SPAG16: variants seen among roughly 807,000 people sequenced by gnomAD.
SPAG16 encodes the protein sperm-associated antigen 16 protein.
A neutral mutation model predicts 80.4 loss-of-function variants in SPAG16; 86 were observed. The observed-to-expected ratio is 1.07, with a 90% CI of 0.90 to 1.28. SPAG16 has a LOEUF of 1.28. Ranked by LOEUF, SPAG16 falls within the 50% of genes most tolerant of loss-of-function variation. The probability of loss-of-function intolerance (pLI) is 0.00; values close to 1 mark genes in which losing one functional copy is unlikely to be tolerated. For synonymous variants in SPAG16, 294 were observed against 265.9 expected, an observed-to-expected ratio of 1.11 and a Z score of -1.03; for missense variants, 870 against 765.3, an observed-to-expected ratio of 1.14 and a Z score of -1.61.
intron 12 of SPAG16, among the ~76,000 whole-genome samples, chr2:213,956,464 T>C (rs2044144632): frequency 1.9e-5 from 2 of 106,212 alleles, no homozygotes; most frequent in Admixed American, 2.0e-4. Context: ...TTTTTTTTTT[T>C]TGAGGCAGGG....
chr2:213,614,233 T>C (rs2061525080), intron 10 of SPAG16, among the ~76,000 whole-genome samples: 2 of 152,256 alleles, frequency 1.3e-5, no homozygotes, highest in Admixed American at 1.3e-4. Context: ...CTAGGATTTT[T>C]AACGTCCTGC....
At chr2:214,127,094 G>A (rs1250245680) in intron 14 of SPAG16, among the ~76,000 whole-genome samples, 1 of 151,728 alleles carries the variant, frequency 6.6e-6, no homozygotes. Flanking sequence ...GGACATTCAG[G>A]ATTCCAAATC....
intron 15 of SPAG16, among the ~76,000 whole-genome samples, chr2:214,353,201 A>T (rs1698541631): frequency 6.6e-6 from 1 of 152,002 alleles, no homozygotes; most frequent in South Asian, 2.1e-4. Context: ...CAGTCAAGAA[A>T]GAGGGAGGTA....
chr2:213,628,360 A>G (rs1264813069), intron 10 of SPAG16, among the ~76,000 whole-genome samples: 2 of 152,214 alleles, frequency 1.3e-5, no homozygotes, highest in Admixed American at 6.5e-5. Flanking sequence ...CTATCCATTT[A>G]TGGCCCTTCT....
intron 11 of SPAG16, among the ~76,000 whole-genome samples, chr2:213,902,741 A>T (rs2077269801): frequency 6.6e-6 from 1 of 152,162 alleles, no homozygotes. Context: ...AACTCATCTC[A>T]GCATTAACCC....
intron 12 of SPAG16, among the ~76,000 whole-genome samples, chr2:213,995,800 A>G (rs908330393): frequency 2.0e-5 from 3 of 152,162 alleles, no homozygotes; most frequent in African/African-American, 7.2e-5. Flanking sequence ...GAAACTTAGG[A>G]CTAGGATCCA....
At chr2:213,889,652 TATAC>T (rs2076704620) in intron 11 of SPAG16, among the ~76,000 whole-genome samples, 2 of 149,108 alleles carry the variant, frequency 1.3e-5, no homozygotes, top group Non-Finnish European at 3.0e-5. Context: ...CACACACATA[TATAC>T]ATATACATAT....
At chr2:214,363,913 G>A (rs1292820298) in intron 15 of SPAG16, among the ~76,000 whole-genome samples, 4 of 152,086 alleles carry the variant, frequency 2.6e-5, no homozygotes, top group South Asian at 2.1e-4. Context: ...GAGAAGTCCT[G>A]TTACAAACAT....
chr2:214,180,632 C>T (rs940957437), intron 15 of SPAG16, among the ~76,000 whole-genome samples: 10 of 151,534 alleles, frequency 6.6e-5, no homozygotes, highest in Non-Finnish European at 1.0e-4. Flanking sequence ...GCAATATGCA[C>T]TGCACTGATA....
At chr2:213,893,402 C>A (rs2076862168) in intron 11 of SPAG16, among the ~76,000 whole-genome samples, 1 of 152,158 alleles carries the variant, frequency 6.6e-6, no homozygotes, top group South Asian at 2.1e-4. Flanking sequence ...TAATTAAGTG[C>A]ATGGCCAAAC....
intron 9 of SPAG16, among the ~76,000 whole-genome samples, chr2:213,431,237 G>A (rs73986842): frequency 6.6e-6 from 1 of 151,824 alleles, no homozygotes; most frequent in Non-Finnish European, 1.5e-5. Flanking sequence ...GGAAAAAAAA[G>A]AATCTACAAA....
chr2:213,319,862 A>G (rs184577413), intron 5 of SPAG16, among the ~76,000 whole-genome samples: 62 of 152,146 alleles, frequency 4.1e-4, no homozygotes. Flanking sequence ...AGCCAGGATT[A>G]AAATGTATCA....
intron 10 of SPAG16, among the ~76,000 whole-genome samples, chr2:213,613,986 A>T (rs1027866860): frequency 6.6e-6 from 1 of 152,228 alleles, no homozygotes; most frequent in Admixed American, 6.5e-5. Context: ...GTGGTCAGGG[A>T]GCAAGAGCTC....
chr2:213,356,733 T>G (rs1013486252), intron 7 of SPAG16, among the ~76,000 whole-genome samples: 3 of 152,188 alleles, frequency 2.0e-5, no homozygotes, highest in African/African-American at 7.2e-5. Context: ...AGGGTGTTTT[T>G]GTGTCCCTGT....
chr2:213,451,237 A>AT (rs1214379377), intron 9 of SPAG16, among the ~76,000 whole-genome samples: 3 of 152,290 alleles, frequency 2.0e-5, no homozygotes, highest in South Asian at 2.1e-4. Context: ...AAAAAACAAC[A>AT]TTTTTTTAAA....
chr2:213,503,906 A>G (rs1317340300), intron 10 of SPAG16, among the ~76,000 whole-genome samples: 1 of 152,226 alleles, frequency 6.6e-6, no homozygotes, highest in East Asian at 1.9e-4. Flanking sequence ...AAGCCAGCAA[A>G]CTGAGAACAT....
chr2:213,657,364 G>A (rs1345663275), intron 10 of SPAG16, among the ~76,000 whole-genome samples: 1 of 152,016 alleles, frequency 6.6e-6, no homozygotes, highest in East Asian at 1.9e-4. Context: ...CCTTAGCAGA[G>A]TGCTTGACAC....
intron 13 of SPAG16, among the ~76,000 whole-genome samples, chr2:214,084,412 T>A (rs552311594): frequency 1.3e-5 from 2 of 152,294 alleles, no homozygotes; most frequent in East Asian, 1.9e-4. Context: ...TCATCTAGAT[T>A]TTATGACTTT....
At chr2:214,001,830 T>G (rs2046802232) in intron 12 of SPAG16, among the ~76,000 whole-genome samples, 1 of 152,188 alleles carries the variant, frequency 6.6e-6, no homozygotes, top group African/African-American at 2.4e-5. Flanking sequence ...CATTCTTATT[T>G]TACATTTCAG....
Sources: allele counts gnomAD v4.1 joint callset (sites outside exome capture counted in the v4.1 genomes callset), GRCh38; gene constraint gnomAD v4.1.1; transcripts MANE v1.5; gene names NCBI Gene and HGNC (gene_info 2026-07-23, HGNC 2026-07-21).